ST6GAL2: variants seen among roughly 807,000 people sequenced by gnomAD.
ST6GAL2 encodes beta-galactoside alpha-2,6-sialyltransferase 2.
Under a neutral mutation model 37.5 loss-of-function variants are expected in ST6GAL2, and 24 were observed. That is an observed-to-expected ratio of 0.64 (90% confidence interval 0.46 to 0.90). The LOEUF (loss-of-function observed/expected upper bound fraction) is 0.90. Among genes scored for constraint, ST6GAL2 ranks in the 40% least tolerant of loss-of-function variants. ST6GAL2 has a pLI of 0.00. For synonymous variants in ST6GAL2, 306 were observed against 295.1 expected, an observed-to-expected ratio of 1.04 and a Z score of -0.38; for missense variants, 715 against 712.7, an observed-to-expected ratio of 1.00 and a Z score of -0.04.
At position 106,843,046 on chromosome 2, in the gene ST6GAL2, C is replaced by G; in HGVS notation, c.932G>C (p.Gly311Ala). 1 of 1,439,382 alleles carries G rather than the reference C, an allele frequency of 6.9e-7. No homozygotes were observed. The highest frequency in any genetic ancestry group is 9.1e-7 in the Non-Finnish European group (1 of 1,094,212). The allele number at this position is 1,439,382 out of a possible 1,614,324, so 89.2% of individuals were successfully genotyped here. Residue 311 changes from glycine to alanine, a missense_variant, in exon 2 of 6, where the codon GGC (glycine) becomes GCC (alanine). Coordinates refer to ENST00000409382, the MANE Select transcript of ST6GAL2 (RefSeq NM_001142351.2). ...CCGCTGAGACCTACCTATTTCCTCGCCCAAGGAAGAGTTGAGGATTGCGCC... is the reference window on the plus strand; with the variant it reads ...CCGCTGAGACCTACCTATTTCCTCGGCCAAGGAAGAGTTGAGGATTGCGCC... Reference protein sequence around the residue: ...SAGAILNSSLGEEIDSHDAVL... With the variant: ...SAGAILNSSLAEEIDSHDAVL...
At chr2:106,866,953 A>G (rs1322322737) in intron 1 of ST6GAL2, among the ~76,000 whole-genome samples, 1 of 152,218 alleles carries the variant, frequency 6.6e-6, no homozygotes, top group Non-Finnish European at 1.5e-5. Flanking sequence ...TAAAACTGGC[A>G]TTGCACGAGT....
rs529745916 is a variant in ST6GAL2, at chr2:106,802,927, T to G, written c.*3751A>C. Reference sequence around the variant, plus strand: ...TATAAGAAAAACTGGAGAGAGAACTTGAATCATGGCATTTGTGCGTATGAA... The same window carrying G: ...TATAAGAAAAACTGGAGAGAGAACTGGAATCATGGCATTTGTGCGTATGAA... On this transcript the variant is annotated 3_prime_UTR_variant, in exon 6 of 6. Coordinates refer to ENST00000409382, the MANE Select transcript of ST6GAL2 (RefSeq NM_001142351.2). 6.6e-6 allele frequency: 1 copy of G among 152,256 alleles called. No homozygotes were observed. The highest frequency in any genetic ancestry group is 2.4e-5 in the African/African-American group (1 of 41,562). The allele number at this position is 152,256 out of a possible 1,614,324, so 9.4% of individuals were successfully genotyped here.
chr2:106,861,692 G>A lies in ST6GAL2; in HGVS notation c.-57-17658C>T, dbSNP rs562722418. On this transcript the variant is annotated intron_variant, in intron 1 of 5. Transcript: ENST00000409382. Reference sequence around the variant, plus strand: ...TCACCCAGGCTGGAGTGCAGTGGCCGTGATCTCGGCTAACTTCAACCTGTG... The same window carrying A: ...TCACCCAGGCTGGAGTGCAGTGGCCATGATCTCGGCTAACTTCAACCTGTG... 7.3e-5 allele frequency among the ~76,000 whole-genome samples: 11 copies of A among 151,176 alleles called. 1 individual carries two copies. Among genetic ancestry groups the A allele is most frequent in the African/African-American group, 2.7e-4 (11 of 41,134 alleles).
chr2:106,840,488 A>G (rs1385553435), intron 2 of ST6GAL2, among the ~76,000 whole-genome samples: 2 of 152,222 alleles, frequency 1.3e-5, no homozygotes, highest in Non-Finnish European at 2.9e-5. Flanking sequence ...TGCTATGGTT[A>G]CATGTTCTTA....
At chr2:106,874,577 T>G (rs1422301242) in intron 1 of ST6GAL2, among the ~76,000 whole-genome samples, 1 of 152,180 alleles carries the variant, frequency 6.6e-6, no homozygotes, top group African/African-American at 2.4e-5. Context: ...GGGATGGGTA[T>G]GCAGGAGGGG....
intron 1 of ST6GAL2, among the ~76,000 whole-genome samples, chr2:106,869,278 G>T (rs938325951): frequency 1.3e-5 from 2 of 152,174 alleles, no homozygotes; most frequent in South Asian, 2.1e-4. Flanking sequence ...GGGGAAAGGG[G>T]TGTGGGCCTC....
intron 3 of ST6GAL2, 78 bp downstream of exon 3, chr2:106,833,971 C>A: frequency 9.6e-7 from 1 of 1,040,590 alleles, no homozygotes; most frequent in Non-Finnish European, 1.5e-6. Context: ...TTCACTCATC[C>A]GGTTAAACTC....
intron 1 of ST6GAL2, among the ~76,000 whole-genome samples, chr2:106,860,309 G>T (rs1418575583): frequency 6.6e-6 from 1 of 152,172 alleles, no homozygotes; most frequent in African/African-American, 2.4e-5. Context: ...TCAGAGCCTG[G>T]AACAGTGCCT....
At chr2:106,825,244 C>T (rs1244598055) in intron 5 of ST6GAL2, among the ~76,000 whole-genome samples, 1 of 152,228 alleles carries the variant, frequency 6.6e-6, no homozygotes, top group Non-Finnish European at 1.5e-5. Flanking sequence ...CTTGCTCTTT[C>T]TCAGATCCCC....
intron 2 of ST6GAL2, among the ~76,000 whole-genome samples, chr2:106,836,762 T>C (rs1425105749): frequency 8.2e-5 from 7 of 85,198 alleles, no homozygotes; most frequent in African/African-American, 3.7e-4. Context: ...ACCCCGTCTC[T>C]ACTAAAAATA....
At chr2:106,853,163 A>C (rs1250787628) in intron 1 of ST6GAL2, among the ~76,000 whole-genome samples, 1 of 152,068 alleles carries the variant, frequency 6.6e-6, no homozygotes, top group Non-Finnish European at 1.5e-5. Context: ...AGCTCCCTAC[A>C]TTTAGCAGAA....
In ST6GAL2 at chr2:106,806,441, A is replaced by G; in HGVS notation, c.*237T>C. 1 of 501,988 alleles carries G rather than the reference A, an allele frequency of 2.0e-6. No individual in the cohort carries two copies. Among genetic ancestry groups the G allele is most frequent in the Non-Finnish European group, 3.5e-6 (1 of 284,202 alleles). The allele number at this position is 501,988 out of a possible 1,614,324, so 31.1% of individuals were successfully genotyped here. A position where few individuals can be genotyped will look rare whatever the true frequency, so the allele number is the denominator to read the frequency against. On this transcript the variant is annotated 3_prime_UTR_variant, in exon 6 of 6. Transcript: ENST00000409382. Reference sequence around the variant, plus strand: ...ATGGTCATACATGTGTTTTCTTTCTAGCTATCCTTGGTTTTGCATCTTTCT... The same window carrying G: ...ATGGTCATACATGTGTTTTCTTTCTGGCTATCCTTGGTTTTGCATCTTTCT...
At position 106,805,578 on chromosome 2, in the gene ST6GAL2, G is replaced by A. The variant is rs914619342; in HGVS notation, c.*1100C>T. 1 of 152,164 alleles carries A rather than the reference G, an allele frequency of 6.6e-6. No homozygotes were observed. Among genetic ancestry groups the A allele is most frequent in the African/African-American group, 2.4e-5 (1 of 41,434 alleles). 9.4% of individuals were successfully genotyped at this position (152,164 alleles called of 1,614,324 possible). On this transcript the variant is annotated 3_prime_UTR_variant, in exon 6 of 6. Coordinates refer to ENST00000409382, the MANE Select transcript of ST6GAL2 (RefSeq NM_001142351.2). ...ACATAAAACATATCTGCAAAAGCAA[G>A]GACTGGATTCCTAAATGTCTGTAGG...
At chr2:106,879,863 A>G (rs1474923564) in intron 1 of ST6GAL2, among the ~76,000 whole-genome samples, 1 of 147,978 alleles carries the variant, frequency 6.8e-6, no homozygotes, top group Non-Finnish European at 1.5e-5. Context: ...ACTATAATAT[A>G]TACATTATAC....
chr2:106,806,522 C>G lies in ST6GAL2; in HGVS notation c.*156G>C. The G allele has an allele frequency of 1.2e-6, 1 of 856,106 alleles. No homozygotes were observed. The highest frequency in any genetic ancestry group is 2.5e-5 in the East Asian group (1 of 39,506). 53.0% of individuals were successfully genotyped at this position (856,106 alleles called of 1,614,324 possible). A position where few individuals can be genotyped will look rare whatever the true frequency, so the allele number is the denominator to read the frequency against. On this transcript the variant is annotated 3_prime_UTR_variant, in exon 6 of 6. Transcript: ENST00000409382. Reference sequence around the variant, plus strand: ...TATGTTCAAAGCAGTAATACATACTCAATGGCTTAGAAAGAGAAGGATTAT... The same window carrying G: ...TATGTTCAAAGCAGTAATACATACTGAATGGCTTAGAAAGAGAAGGATTAT...
chr2:106,834,888 C>T (rs940202793), intron 2 of ST6GAL2: 3 of 152,192 alleles, frequency 2.0e-5, no homozygotes, highest in East Asian at 1.9e-4. Context: ...ATGAATGCAA[C>T]GTAAATCTAC....
intron 1 of ST6GAL2, among the ~76,000 whole-genome samples, chr2:106,862,944 T>G (rs7568023): frequency 1.3e-5 from 2 of 152,056 alleles, no homozygotes; most frequent in Admixed American, 6.5e-5. Context: ...AAATAAATGA[T>G]TACAATAATA....
rs115144627 is a variant in ST6GAL2, at chr2:106,874,878, A to G, written c.-58+11215T>C. Among the ~76,000 whole-genome samples the G allele has an allele frequency of 7.2e-3, 1,103 of 152,358 alleles. 11 individuals are homozygous for G. The highest frequency in any genetic ancestry group is 0.031 in the Middle Eastern group (9 of 294). On this transcript the variant is annotated intron_variant, in intron 1 of 5. Transcript: ENST00000409382. ...CAGCATTTGCAGCAGCAGGTAGCAG[A>G]GGCAGCTTCCTCTTCAGGAAACAGA...
chr2:106,873,821 A>G (rs957277249), intron 1 of ST6GAL2, among the ~76,000 whole-genome samples: 5 of 152,240 alleles, frequency 3.3e-5, no homozygotes, highest in South Asian at 2.1e-4. Flanking sequence ...TCTGAAGTAT[A>G]AGACAGTGTA....
Sources: gnomAD v4.1 joint callset for allele counts (sites outside exome capture counted in the v4.1 genomes callset) on GRCh38, gnomAD v4.1.1 for gene constraint, MANE v1.5 for transcripts, NCBI Gene and HGNC (gene_info 2026-07-23, HGNC 2026-07-21) for gene names.